The following ACTR3B variants were observed in gnomAD, a reference collection of about 807,000 sequenced individuals.
ACTR3B encodes actin-related protein 3B.
A neutral mutation model predicts 59.0 loss-of-function variants in ACTR3B; 8 were observed. That is an observed-to-expected ratio of 0.14 (90% CI 0.08 to 0.24). ACTR3B has a LOEUF of 0.24. Ranked by LOEUF, ACTR3B falls within the 10% of genes least tolerant of loss-of-function variation. The pLI is 1.00. For missense variants in ACTR3B, 245 were observed against 552.3 expected (o/e 0.44, Z 5.58); for synonymous variants, 148 against 197.9 (o/e 0.75, Z 2.12).
intron 9 of ACTR3B, among the ~76,000 whole-genome samples, chr7:152,828,479 C>T (rs1249170987): frequency 6.6e-6 from 1 of 152,170 alleles, no homozygotes; most frequent in Non-Finnish European, 1.5e-5. Flanking sequence ...CCTTCTGTAA[C>T]TCCTGCTCCT....
At chr7:152,773,572 G>A (rs2098129324) in intron 1 of ACTR3B, among the ~76,000 whole-genome samples, 1 of 151,832 alleles carries the variant, frequency 6.6e-6, no homozygotes, top group African/African-American at 2.4e-5. Flanking sequence ...GGGCAACAGA[G>A]TGACTCTGTC....
chr7:152,785,573 G>A (rs1472052202), intron 2 of ACTR3B, among the ~76,000 whole-genome samples: 3 of 145,096 alleles, frequency 2.1e-5, no homozygotes, highest in East Asian at 2.1e-4. Context: ...GAAGATGTTC[G>A]GGCAGAAGTG....
At chr7:152,766,862 G>T (rs1010763170) in intron 1 of ACTR3B, among the ~76,000 whole-genome samples, 1 of 152,028 alleles carries the variant, frequency 6.6e-6, no homozygotes. Flanking sequence ...TCTCCACTCA[G>T]TGCAACCTCC....
chr7:152,773,646 G>A (rs754645007), intron 1 of ACTR3B, among the ~76,000 whole-genome samples: 1 of 151,968 alleles, frequency 6.6e-6, no homozygotes, highest in African/African-American at 2.4e-5. Context: ...AAAAGAAAGC[G>A]TGAGTATTAT....
rs143364619 is a variant in ACTR3B at position 152,779,255 on chromosome 7, A to G, written c.45-3932A>G. On this transcript the variant is annotated intron_variant, in intron 1 of 11. Coordinates refer to ENST00000256001, the MANE Select transcript of ACTR3B (RefSeq NM_020445.6). ...TTCTCTGGAGATTCCCATTTAGTGA[A>G]TCGCGCACAGCCCCTGGGAATCTGT... 1.8e-3 allele frequency among the ~76,000 whole-genome samples: 269 copies of G among 152,050 alleles called. 1 individual carries two copies. Among genetic ancestry groups the G allele is most frequent in the African/African-American group, 6.4e-3 (266 of 41,388 alleles).
In ACTR3B at chr7:152,761,304, C is replaced by T. The variant is rs200386708; in HGVS notation, c.44+1378C>T. 2.8e-3 allele frequency among the ~76,000 whole-genome samples: 429 copies of T among 152,208 alleles called. 3 individuals are homozygous for T. The highest frequency in any genetic ancestry group is 9.9e-3 in the African/African-American group (410 of 41,544). ...CTCCCCCAATGGGTTCACCTCAGGTCCCCTCAGGTCTGGTTGTGTCAAGAG... is the reference window on the plus strand; with the variant it reads ...CTCCCCCAATGGGTTCACCTCAGGTTCCCTCAGGTCTGGTTGTGTCAAGAG... On this transcript the variant is annotated intron_variant, in intron 1 of 11. Transcript: ENST00000256001.
chr7:152,852,364 G>A, intron 10 of ACTR3B, 113 bp downstream of exon 10: 3 of 1,329,418 alleles, frequency 2.3e-6, no homozygotes, highest in Non-Finnish European at 3.0e-6. Context: ...ATAAAAACAA[G>A]TGTTCATCGC....
intron 7 of ACTR3B, 95 bp from the exon 8 acceptor site, chr7:152,823,247 G>A: frequency 6.5e-7 from 1 of 1,545,428 alleles, no homozygotes; most frequent in Non-Finnish European, 8.8e-7. Flanking sequence ...CTGATCCCAG[G>A]GTGTGTTTGC....
At chr7:152,811,176 G>A (rs1012332793) in intron 4 of ACTR3B, 1 of 147,944 alleles carries the variant, frequency 6.8e-6, no homozygotes, top group Non-Finnish European at 1.5e-5. Context: ...ATTTGATTTT[G>A]TTTTTGTTTT....
At position 152,789,511 on chromosome 7, in the gene ACTR3B, A is replaced by T. The variant is rs2462103; in HGVS notation, c.100+6269A>T. On this transcript the variant is annotated intron_variant, in intron 2 of 11. Coordinates refer to ENST00000256001, the MANE Select transcript of ACTR3B (RefSeq NM_020445.6). ...TTAAAAATTCTATTTTCTAATTCAT[A>T]ATTGCCAGCATATGGGAATGTTACT... Among the ~76,000 whole-genome samples the T allele has an allele frequency of 5.7e-4, 84 of 146,624 alleles. 1 individual carries two copies. Among genetic ancestry groups the T allele is most frequent in the Middle Eastern group, 3.5e-3 (1 of 288 alleles).
intron 1 of ACTR3B, among the ~76,000 whole-genome samples, chr7:152,774,133 A>T (rs1229763160): frequency 4.6e-5 from 7 of 152,068 alleles, no homozygotes; most frequent in African/African-American, 1.4e-4. Context: ...TTGCTTTAAA[A>T]TTTTTTTGTT....
intron 2 of ACTR3B, among the ~76,000 whole-genome samples, chr7:152,797,290 A>G (rs2098220730): frequency 6.6e-6 from 1 of 152,018 alleles, no homozygotes; most frequent in Non-Finnish European, 1.5e-5. Context: ...TATGTTGCCC[A>G]GGCTGTTCTG....
At chr7:152,810,192 T>C (rs1795096348) in intron 4 of ACTR3B, among the ~76,000 whole-genome samples, 2 of 152,120 alleles carry the variant, frequency 1.3e-5, no homozygotes, top group Non-Finnish European at 2.9e-5. Flanking sequence ...CTGTAACCTC[T>C]GCCTCCCAGG....
chr7:152,821,945 A>C (rs182115107), intron 7 of ACTR3B, among the ~76,000 whole-genome samples: 2 of 152,262 alleles, frequency 1.3e-5, no homozygotes, highest in Non-Finnish European at 2.9e-5. Context: ...CTTAAGGTTA[A>C]GCCTGTTACT....
intron 9 of ACTR3B, among the ~76,000 whole-genome samples, chr7:152,835,915 T>C (rs1482257443): frequency 6.6e-6 from 1 of 151,274 alleles, no homozygotes; most frequent in African/African-American, 2.4e-5. Context: ...TCCTGGCCCA[T>C]GCGAGGTGCT....
At chr7:152,812,829 T>C (rs1398536556) in intron 4 of ACTR3B, 2 of 112,568 alleles carry the variant, frequency 1.8e-5, no homozygotes, top group African/African-American at 6.5e-5. Flanking sequence ...GGTGTATTAG[T>C]CTACTCGGCT....
intron 2 of ACTR3B, among the ~76,000 whole-genome samples, chr7:152,794,117 T>C (rs1338047895): frequency 3.9e-5 from 6 of 152,252 alleles, no homozygotes; most frequent in Non-Finnish European, 8.8e-5. Flanking sequence ...TATATACTTT[T>C]ATTCTCTTGC....
chr7:152,824,641 A>C lies in ACTR3B; in HGVS notation c.859-389A>C, dbSNP rs2689584. On this transcript the variant is annotated intron_variant, in intron 8 of 11. Transcript: ENST00000256001. The surrounding 1 kb of genome is among the most constrained non-coding windows in gnomAD (Gnocchi z 4.2). Reference sequence around the variant, plus strand: ...TGAACCTATTTCTTTTTCCTTATATACTAATTTTCTCATAATACGAATATT... The same window carrying C: ...TGAACCTATTTCTTTTTCCTTATATCCTAATTTTCTCATAATACGAATATT... Among the ~76,000 whole-genome samples the C allele has an allele frequency of 1.3e-5, 2 of 152,178 alleles. No homozygotes were observed. The highest frequency in any genetic ancestry group is 1.9e-4 in the East Asian group (1 of 5,202).
chr7:152,785,394 A>G (rs1275859605), intron 2 of ACTR3B, among the ~76,000 whole-genome samples: 5 of 2,964 alleles, frequency 1.7e-3, no homozygotes, highest in Admixed American at 6.0e-3. Flanking sequence ...GGGGGAGGGG[A>G]GGGGGAGGGG....
Sources: allele counts gnomAD v4.1 joint callset (sites outside exome capture counted in the v4.1 genomes callset), GRCh38; gene constraint gnomAD v4.1.1; non-coding constraint Gnocchi (gnomAD v3.1); transcripts MANE v1.5; gene names NCBI Gene and HGNC (gene_info 2026-07-23, HGNC 2026-07-21).